Variants in CA8 observed in about 807,000 individuals in gnomAD.
CA8 encodes the protein carbonic anhydrase-related protein.
CA8 carries 22 observed loss-of-function variants against 41.4 expected under a neutral mutation model. That is an observed-to-expected ratio of 0.53 (90% CI 0.38 to 0.76). CA8 has a LOEUF of 0.76. Ranked by LOEUF, CA8 falls within the 30% of genes least tolerant of loss-of-function variation. The pLI, the probability that CA8 is intolerant of heterozygous loss-of-function variation, is 0.00. For missense variants in CA8, 270 were observed against 352.8 expected, an observed-to-expected ratio of 0.77 and a Z score of 1.88; for synonymous variants, 121 against 130.6, an observed-to-expected ratio of 0.93 and a Z score of 0.50.
rs553807932 is a variant in CA8, at chr8:60,272,103, A to G, written c.293-6054T>C. ...AATTTGCCCAGAGCAGAGGTAGAAT[A>G]GTGACAGGATCTGAAACCGGGGGCT... On this transcript the variant is annotated intron_variant, in intron 2 of 8. Coordinates refer to ENST00000317995, the MANE Select transcript of CA8 (RefSeq NM_004056.6). 9.1e-4 allele frequency among the ~76,000 whole-genome samples: 139 copies of G among 152,292 alleles called. 2 individuals are homozygous for G. The South Asian group carries it at 0.028, about 30-fold the overall frequency.
At chr8:60,216,818 A>G (rs1227361894) in intron 7 of CA8, among the ~76,000 whole-genome samples, 1 of 152,250 alleles carries the variant, frequency 6.6e-6, no homozygotes, top group Non-Finnish European at 1.5e-5. Flanking sequence ...TCTAGGTAGA[A>G]ATGGGAATGT....
At chr8:60,258,766 C>A (rs1803636351) in intron 3 of CA8, among the ~76,000 whole-genome samples, 3 of 152,088 alleles carry the variant, frequency 2.0e-5, no homozygotes, top group African/African-American at 7.2e-5. Flanking sequence ...CAACGTAGAT[C>A]CCTCACATGC....
chr8:60,263,950 G>C (rs1166800653), intron 3 of CA8, among the ~76,000 whole-genome samples: 1 of 152,000 alleles, frequency 6.6e-6, no homozygotes, highest in East Asian at 1.9e-4. Flanking sequence ...GGATAATCTG[G>C]GATAAAAAAG....
At chr8:60,274,455 C>T (rs931068928) in intron 2 of CA8, among the ~76,000 whole-genome samples, 1 of 152,196 alleles carries the variant, frequency 6.6e-6, no homozygotes, top group Admixed American at 6.5e-5. Flanking sequence ...CCACAAGAGG[C>T]AGGTAATTCC....
At position 60,263,158 on chromosome 8, in the gene CA8, TGGTGAACTACAAAATTTAGCCTG is replaced by T. The variant is rs538066935; in HGVS notation, c.417+2744_417+2766del. Among the ~76,000 whole-genome samples, 1,137 of 152,072 alleles carry T rather than the reference TGGTGAACTACAAAATTTAGCCTG, an allele frequency of 7.5e-3. 14 individuals carry two copies. Among genetic ancestry groups the T allele is most frequent in the African/African-American group, 0.026 (1,074 of 41,494 alleles). ...GAGTTCGAGACCAGCCTGGTCAACATGGTGAACTACAAAATTTAGCCTGGTGTGCTGGCATGCACCTATTATCC... is the reference window on the plus strand; with the variant it reads ...GAGTTCGAGACCAGCCTGGTCAACATGTGTGCTGGCATGCACCTATTATCC... On this transcript the variant is annotated intron_variant, in intron 3 of 8. Transcript: ENST00000317995.
rs1256508930 is a variant in CA8 at position 60,240,457 on chromosome 8, T to C, written c.418-8078A>G. Among the ~76,000 whole-genome samples the C allele has an allele frequency of 1.2e-4, 19 of 152,226 alleles. No individual in the cohort carries two copies. In the East Asian group the frequency reaches 2.7e-3, roughly 22 times the overall value. On this transcript the variant is annotated intron_variant, in intron 3 of 8. Transcript: ENST00000317995. ...AGTGAGCAAAGCTCACCTTTGACTT[T>C]TTAATATTCTTATCTATTTTCTTAA...
intron 3 of CA8, among the ~76,000 whole-genome samples, chr8:60,257,932 A>G (rs1803603530): frequency 6.6e-6 from 1 of 152,268 alleles, no homozygotes; most frequent in Admixed American, 6.5e-5. Context: ...TCAATGTTAC[A>G]GTAACACAGT....
chr8:60,262,809 G>T (rs1001697255), intron 3 of CA8, among the ~76,000 whole-genome samples: 3 of 152,240 alleles, frequency 2.0e-5, no homozygotes, highest in African/African-American at 7.2e-5. Flanking sequence ...TAAGCAGTGT[G>T]TCAGATGGCT....
intron 2 of CA8, among the ~76,000 whole-genome samples, chr8:60,271,953 G>T (rs1804086514): frequency 1.3e-5 from 2 of 152,218 alleles, no homozygotes; most frequent in African/African-American, 4.8e-5. Context: ...AATGATACAT[G>T]TGGCAGCCTT....
chr8:60,230,261 T>G (rs981983021), intron 4 of CA8, among the ~76,000 whole-genome samples: 1 of 152,214 alleles, frequency 6.6e-6, no homozygotes, highest in Non-Finnish European at 1.5e-5. Flanking sequence ...TTAGTCCACC[T>G]GCATAAGCTC....
chr8:60,266,104 T>C (rs1803893590), intron 2 of CA8, 55 bp from the exon 3 acceptor site: 2 of 1,555,502 alleles, frequency 1.3e-6, no homozygotes, highest in South Asian at 1.2e-5. Context: ...CTCAGCATTA[T>C]AAACATTAGA....
At chr8:60,194,484 G>A (rs1260410917) in intron 8 of CA8, among the ~76,000 whole-genome samples, 1 of 152,120 alleles carries the variant, frequency 6.6e-6, no homozygotes, top group East Asian at 1.9e-4. Flanking sequence ...TGTATGGGAG[G>A]ATGACATGAG....
chr8:60,228,994 C>T (rs73245610), intron 4 of CA8, among the ~76,000 whole-genome samples: 5 of 152,098 alleles, frequency 3.3e-5, no homozygotes, highest in South Asian at 2.1e-4. Context: ...CTGCTAAAAC[C>T]GTGCAAGCAG....
intron 2 of CA8, among the ~76,000 whole-genome samples, chr8:60,276,627 G>A (rs1054337744): frequency 2.0e-5 from 3 of 152,184 alleles, no homozygotes; most frequent in Admixed American, 2.0e-4. Flanking sequence ...AGGGGAATGA[G>A]GCATGAGAAA....
At chr8:60,196,233 C>G (rs1160631992) in intron 8 of CA8, among the ~76,000 whole-genome samples, 1 of 152,108 alleles carries the variant, frequency 6.6e-6, no homozygotes, top group East Asian at 1.9e-4. Context: ...AAATCTATAG[C>G]TAGTCAAAAT....
chr8:60,259,797 G>A (rs1419396402), intron 3 of CA8, among the ~76,000 whole-genome samples: 2 of 150,778 alleles, frequency 1.3e-5, no homozygotes, highest in African/African-American at 4.9e-5. Flanking sequence ...GACTTCTGGA[G>A]AGGCCACTGC....
chr8:60,248,277 T>G (rs1808320066), intron 3 of CA8, among the ~76,000 whole-genome samples: 1 of 152,242 alleles, frequency 6.6e-6, no homozygotes, highest in Admixed American at 6.5e-5. Flanking sequence ...TTGTCAATTT[T>G]TGCTTTTGTT....
At chr8:60,231,442 T>TA (rs1027777302) in intron 4 of CA8, among the ~76,000 whole-genome samples, 55 of 152,214 alleles carry the variant, frequency 3.6e-4, no homozygotes, top group African/African-American at 1.3e-3. Flanking sequence ...ATATATGCCA[T>TA]AAAAAAACAA....
At chr8:60,221,634 G>A (rs1205998264) in intron 7 of CA8, among the ~76,000 whole-genome samples, 2 of 152,122 alleles carry the variant, frequency 1.3e-5, no homozygotes, top group African/African-American at 4.8e-5. Flanking sequence ...ATAGGAATTA[G>A]GATTTGTCAT....
Sources: allele counts gnomAD v4.1 joint callset (sites outside exome capture counted in the v4.1 genomes callset), GRCh38; gene constraint gnomAD v4.1.1; transcripts MANE v1.5; gene names NCBI Gene and HGNC (gene_info 2026-07-23, HGNC 2026-07-21).